Variants in SGCD observed in about 807,000 individuals in gnomAD.
The protein encoded by SGCD is delta-sarcoglycan.
A neutral mutation model predicts 36.6 loss-of-function variants in SGCD; 18 were observed. That is an observed-to-expected ratio of 0.49 (90% CI 0.34 to 0.73). The LOEUF (loss-of-function observed/expected upper bound fraction) is 0.73. SGCD is among the 30% of genes least tolerant of loss of function. The probability of loss-of-function intolerance (pLI) is 0.01; values close to 1 mark genes in which losing one functional copy is unlikely to be tolerated. For synonymous variants in SGCD, 133 were observed against 130.6 expected, an observed-to-expected ratio of 1.02 and a Z score of -0.12; for missense variants, 387 against 346.7, an observed-to-expected ratio of 1.12 and a Z score of -0.92.
intron 7 of SGCD, among the ~76,000 whole-genome samples, chr5:156,657,137 A>T (rs1041831276): frequency 2.0e-5 from 3 of 152,104 alleles, no homozygotes; most frequent in African/African-American, 7.2e-5. Flanking sequence ...TTAGAGCCTT[A>T]GGGGTGAATT....
the SGCD span, among the ~76,000 whole-genome samples, chr5:155,823,100 A>ATCTATCTATCTATCTG: frequency 6.7e-6 from 1 of 150,036 alleles, no homozygotes; most frequent in East Asian, 2.0e-4. Flanking sequence ...CTATCTATCT[A>ATCTATCTATCTATCTG]TCTATCTATC....
At chr5:156,683,994 C>T (rs1753814999) in intron 7 of SGCD, among the ~76,000 whole-genome samples, 1 of 152,186 alleles carries the variant, frequency 6.6e-6, no homozygotes, top group Non-Finnish European at 1.5e-5. Flanking sequence ...CATATGTTCA[C>T]TAGTTGATTG....
chr5:155,835,973 G>A, the SGCD span, among the ~76,000 whole-genome samples: 3 of 152,046 alleles, frequency 2.0e-5, no homozygotes, highest in Non-Finnish European at 4.4e-5. Context: ...AAAACATATG[G>A]TATATATAGC....
At chr5:156,032,162 A>G (rs987495446) in intron 1 of SGCD, among the ~76,000 whole-genome samples, 3 of 152,068 alleles carry the variant, frequency 2.0e-5, no homozygotes, top group African/African-American at 7.2e-5. Context: ...ACCTAACAGT[A>G]TCATGAACAA....
intron 3 of SGCD, among the ~76,000 whole-genome samples, chr5:156,312,046 C>T (rs1767403243): frequency 6.6e-6 from 1 of 152,180 alleles, no homozygotes; most frequent in Admixed American, 6.5e-5. Flanking sequence ...CTTCTGACCC[C>T]TATTCCAGGG....
chr5:156,088,234 C>A (rs1761150917), intron 1 of SGCD, among the ~76,000 whole-genome samples: 1 of 151,886 alleles, frequency 6.6e-6, no homozygotes, highest in Admixed American at 6.6e-5. Context: ...TGGGGCCTTA[C>A]TTCTTGGGCC....
At chr5:156,142,326 T>C (rs946623015) in intron 3 of SGCD, among the ~76,000 whole-genome samples, 1 of 152,208 alleles carries the variant, frequency 6.6e-6, no homozygotes, top group Non-Finnish European at 1.5e-5. Context: ...GTCTCAAGTA[T>C]TTCTTTACAA....
the SGCD span, among the ~76,000 whole-genome samples, chr5:155,822,592 C>A: frequency 6.6e-6 from 1 of 152,128 alleles, no homozygotes; most frequent in Admixed American, 6.5e-5. Flanking sequence ...TCCAGATAAT[C>A]CCTTGTGTTG....
At chr5:156,183,660 G>A (rs1416169921) in intron 3 of SGCD, among the ~76,000 whole-genome samples, 2 of 152,094 alleles carry the variant, frequency 1.3e-5, no homozygotes, top group Non-Finnish European at 2.9e-5. Context: ...TGCCCACCTT[G>A]GCTCCCAAAC....
At chr5:156,227,018 A>G (rs1307340106) in intron 3 of SGCD, among the ~76,000 whole-genome samples, 1 of 152,010 alleles carries the variant, frequency 6.6e-6, no homozygotes, top group Admixed American at 6.6e-5. Flanking sequence ...AGATGTGTAG[A>G]TTATGAAGAC....
At chr5:156,235,977 T>C (rs1303990194) in intron 3 of SGCD, among the ~76,000 whole-genome samples, 1 of 152,220 alleles carries the variant, frequency 6.6e-6, no homozygotes, top group Non-Finnish European at 1.5e-5. Context: ...GTTCATGGGA[T>C]GGAAAAATGT....
intron 6 of SGCD, among the ~76,000 whole-genome samples, chr5:156,600,948 A>G (rs1761165166): frequency 6.6e-6 from 1 of 152,108 alleles, no homozygotes; most frequent in Admixed American, 6.6e-5. Context: ...ATACCTGTTG[A>G]ACATTGGTAT....
chr5:156,233,056 A>G (rs1268782233), intron 3 of SGCD, among the ~76,000 whole-genome samples: 1 of 152,212 alleles, frequency 6.6e-6, no homozygotes, highest in East Asian at 1.9e-4. Flanking sequence ...TAATATGTAT[A>G]TATTCTTGAC....
chr5:156,266,551 T>C (rs1766004343), intron 3 of SGCD, among the ~76,000 whole-genome samples: 1 of 152,210 alleles, frequency 6.6e-6, no homozygotes, highest in African/African-American at 2.4e-5. Context: ...AGCCTGATCA[T>C]AGCTCACTGC....
intron 3 of SGCD, among the ~76,000 whole-genome samples, chr5:156,392,636 G>C (rs554328930): frequency 3.7e-4 from 57 of 152,334 alleles, no homozygotes; most frequent in South Asian, 1.2e-3. Context: ...CAGGGTTCTT[G>C]CCTTGGTGTC....
intron 1 of SGCD, among the ~76,000 whole-genome samples, chr5:156,008,805 G>A (rs569631041): frequency 9.1e-4 from 138 of 152,122 alleles, no homozygotes; most frequent in Non-Finnish European, 1.4e-3. Flanking sequence ...CTGAGGTACT[G>A]GAAATTAGGA....
chr5:156,031,473 C>T (rs941977832), intron 1 of SGCD, among the ~76,000 whole-genome samples: 1 of 152,062 alleles, frequency 6.6e-6, no homozygotes, highest in Non-Finnish European at 1.5e-5. Context: ...GTAAAGGCTG[C>T]TTGAGACAGA....
chr5:156,555,651 G>T (rs563407358), intron 4 of SGCD, among the ~76,000 whole-genome samples: 36 of 148,586 alleles, frequency 2.4e-4, no homozygotes, highest in South Asian at 2.1e-3. Context: ...GCCAGGAAGT[G>T]TAAGGCCTAC....
At chr5:156,578,709 T>C (rs1760094097) in intron 4 of SGCD, among the ~76,000 whole-genome samples, 1 of 152,228 alleles carries the variant, frequency 6.6e-6, no homozygotes, top group South Asian at 2.1e-4. Flanking sequence ...TGTAGAAGTG[T>C]TTATAGTATT....
Sources: gnomAD v4.1 joint callset for allele counts (sites outside exome capture counted in the v4.1 genomes callset) on GRCh38, gnomAD v4.1.1 for gene constraint, MANE v1.5 for transcripts, NCBI Gene and HGNC (gene_info 2026-07-23, HGNC 2026-07-21) for gene names.